The following FBN3 variants were observed in gnomAD, a reference collection of about 807,000 sequenced individuals.
FBN3 encodes the protein fibrillin-3.
In FBN3, 234 loss-of-function variants were observed where a neutral mutation model predicts 330.1. That is an observed-to-expected ratio of 0.71 (90% CI 0.64 to 0.79). The LOEUF (loss-of-function observed/expected upper bound fraction) is 0.79. Among genes scored for constraint, FBN3 ranks in the 30% least tolerant of loss-of-function variants. FBN3 has a pLI of 0.00. For missense variants in FBN3, 3,606 were observed against 3,886.9 expected (o/e 0.93, Z 1.92); for synonymous variants, 1,458 against 1,517.3 (o/e 0.96, Z 0.91).
At chr19:8,067,603 G>C (rs931063609) in intron 63 of FBN3, among the ~76,000 whole-genome samples, 1 of 152,054 alleles carries the variant, frequency 6.6e-6, no homozygotes, top group Non-Finnish European at 1.5e-5. Context: ...ACTCCAGCCT[G>C]GGTAACAGAC....
chr19:8,126,917 C>A, intron 18 of FBN3, 85 bp from the exon 19 acceptor site: 1 of 1,471,240 alleles, frequency 6.8e-7, no homozygotes. Context: ...AAGGGGCCGC[C>A]GCAACCGGTG....
rs200978594 is a variant in FBN3, at chr19:8,102,755, T to C, written c.5058A>G (p.Arg1686=). The C allele has an allele frequency of 2.4e-5, 38 of 1,613,844 alleles. No individual in the cohort carries two copies. The Admixed American group carries it at 6.3e-4, about 27-fold the overall frequency. The stretch of plus-strand genomic sequence containing the variant: ...TGGGAGTGGGGCAGGCCTCACAGGG[T>C]CTATTCCAGGCCTGGCCAATGTTGT... ...CSYNIGQAWN[R]PCEACPTPIS... Residue 1686 remains arginine, a synonymous_variant, in exon 40 of 64, where the codon AGA becomes AGG. Transcript: ENST00000600128.
chr19:8,107,776 G>C (rs1325431439), intron 37 of FBN3, among the ~76,000 whole-genome samples: 1 of 147,474 alleles, frequency 6.8e-6, no homozygotes, highest in African/African-American at 2.5e-5. Flanking sequence ...AAGGATGTAT[G>C]GATGTACTGG....
In FBN3 at chr19:8,136,452, C is replaced by T. The variant is rs756958388; in HGVS notation, c.1281G>A (p.Thr427=). Residue 427 remains threonine, a synonymous_variant, in exon 11 of 64, where the codon ACG becomes ACA. Coordinates refer to ENST00000600128, the MANE Select transcript of FBN3 (RefSeq NM_032447.5). ...NLCLNGRCLP[T]PSSYRCECNV... ...TACACTCGCAGCGGTAGCTGGAAGG[C>T]GTGGGCAGGCAGCGGCCATTCAGAC... 2.5e-6 allele frequency: 4 copies of T among 1,614,166 alleles called. No individual in the cohort carries two copies. Among genetic ancestry groups the T allele is most frequent in the Non-Finnish European group, 3.4e-6 (4 of 1,180,016 alleles).
At chr19:8,145,610 G>A (rs1430123275) in intron 5 of FBN3, among the ~76,000 whole-genome samples, 1 of 151,160 alleles carries the variant, frequency 6.6e-6, no homozygotes, top group Admixed American at 6.6e-5. Flanking sequence ...GAACCTGGGA[G>A]GCGGAGCTTG....
chr19:8,075,308 C>G lies in FBN3; in HGVS notation c.7557G>C (p.Leu2519=), dbSNP rs774692537. ...CTTCACAGCCATGGCCTGAGCTGAC[C>G]AGGGTGAAGCCTTGGTGGCATTCAC... ...FRCECHQGFT[L]VSSGHGCEDV... is the part of the protein sequence containing the mutation. The change falls in exon 60 of 64, where the codon CTG becomes CTC. Residue 2519 remains leucine (L), a synonymous_variant. Coordinates refer to ENST00000600128, the MANE Select transcript of FBN3 (RefSeq NM_032447.5). 4 of 1,613,948 alleles carry G rather than the reference C, an allele frequency of 2.5e-6. No individual in the cohort carries two copies. The South Asian group carries it at 4.4e-5, about 18-fold the overall frequency.
intron 30 of FBN3, among the ~76,000 whole-genome samples, chr19:8,114,067 C>T (rs1198253003): frequency 4.0e-5 from 6 of 151,308 alleles, no homozygotes; most frequent in Non-Finnish European, 4.4e-5. Context: ...AGAAGAAGGC[C>T]GTGTGAAGAT....
In FBN3 at chr19:8,100,981, A is replaced by C; in HGVS notation, c.5090-9T>G. ...CAGGATCTGGTAGTCAGCTGCGCAA[A>C]GGGGAACAAAGCTGAGTCTGGGGCT... On this transcript the variant is annotated splice_polypyrimidine_tract_variant and intron_variant, in intron 40 of 63. Coordinates refer to ENST00000600128, the MANE Select transcript of FBN3 (RefSeq NM_032447.5). The C allele has an allele frequency of 6.2e-7, 1 of 1,612,166 alleles. No homozygotes were observed. The highest frequency in any genetic ancestry group is 8.5e-7 in the Non-Finnish European group (1 of 1,178,676).
At chr19:8,076,247 C>CATGTGTGTGT (rs60725609) in intron 59 of FBN3, among the ~76,000 whole-genome samples, 6,526 of 147,704 alleles carry the variant, frequency 0.044, 243 homozygotes, top group African/African-American at 0.094. Flanking sequence ...TGTCCGTGTG[C>CATGTGTGTGT]GTGTGTGTGT....
chr19:8,087,239 G>C, intron 53 of FBN3, 28 bp from the exon 54 acceptor site: 1 of 1,550,770 alleles, frequency 6.4e-7, no homozygotes, highest in Non-Finnish European at 8.7e-7. Flanking sequence ...CAGATGGTCA[G>C]TCAAGGCCAG....
intron 26 of FBN3, among the ~76,000 whole-genome samples, chr19:8,117,873 C>A (rs1194713141): frequency 1.3e-5 from 2 of 152,072 alleles, no homozygotes; most frequent in Non-Finnish European, 2.9e-5. Context: ...TTGACAGACA[C>A]ACACAGGCAC....
intron 51 of FBN3, 114 bp downstream of exon 51, chr19:8,089,431 G>A: frequency 8.6e-7 from 1 of 1,158,274 alleles, no homozygotes. Context: ...GAGAGAGGCA[G>A]TGGTTAAGGA....
chr19:8,144,514 T>G (rs2083488752), intron 6 of FBN3, among the ~76,000 whole-genome samples: 1 of 151,960 alleles, frequency 6.6e-6, no homozygotes, highest in African/African-American at 2.4e-5. Context: ...CCTGACTCCC[T>G]TCCATGGAGC....
rs778287651 is a variant in FBN3, at chr19:8,090,147, C to G, written c.6136G>C (p.Gly2046Arg). ...KTRCCCSKRP[G>R]EGWGDPCELC... ...TCGCAGGGGTCTCCCCAGCCCTCCC[C>G]AGGCCTCTTACTGCAGCAGCAGCGG... Residue 2046 changes from glycine to arginine, a missense_variant, in exon 49 of 64, where the codon GGG becomes CGG. Coordinates refer to ENST00000600128, the MANE Select transcript of FBN3 (RefSeq NM_032447.5). 1.2e-6 allele frequency: 2 copies of G among 1,614,016 alleles called. No homozygotes were observed. The highest frequency in any genetic ancestry group is 3.3e-5 in the Admixed American group (2 of 60,004).
chr19:8,085,287 C>T (rs1599294785), intron 56 of FBN3, 76 bp downstream of exon 56: 6 of 1,220,110 alleles, frequency 4.9e-6, no homozygotes, highest in East Asian at 5.2e-5. Flanking sequence ...GCACCTGCTG[C>T]AGTACAGACA....
intron 13 of FBN3, 26 bp downstream of exon 13, chr19:8,135,935 T>TGGGG: frequency 4.5e-6 from 6 of 1,344,150 alleles, no homozygotes; most frequent in East Asian, 2.7e-5. Context: ...CGGAAGCCCC[T>TGGGG]GCCCACCCGC....
At chr19:8,066,384 C>A in intron 63 of FBN3, 124 bp from the exon 64 acceptor site, 1 of 729,424 alleles carries the variant, frequency 1.4e-6, no homozygotes, top group South Asian at 2.0e-5. Flanking sequence ...AGGAAAGAGC[C>A]ATAAAAAGGA....
intron 3 of FBN3, 39 bp from the exon 4 acceptor site, chr19:8,146,264 G>A (rs757259577): frequency 9.1e-6 from 14 of 1,531,340 alleles, no homozygotes; most frequent in Middle Eastern, 2.0e-4. Context: ...GACCAGGACC[G>A]AGCCTGGGCC....
intron 63 of FBN3, among the ~76,000 whole-genome samples, chr19:8,071,401 G>A (rs2081507934): frequency 6.6e-6 from 1 of 152,182 alleles, no homozygotes; most frequent in South Asian, 2.1e-4. Flanking sequence ...AGGGGTACAG[G>A]GCAGATGCTG....
Sources: gnomAD v4.1 joint callset for allele counts (sites outside exome capture counted in the v4.1 genomes callset) on GRCh38, gnomAD v4.1.1 for gene constraint, MANE v1.5 for transcripts, NCBI Gene and HGNC (gene_info 2026-07-23, HGNC 2026-07-21) for gene names.